Variants in BTBD8 observed in about 807,000 individuals in gnomAD.
BTBD8 encodes BTB domain containing 8, also known as BTB/POZ domain-containing protein 8.
A neutral mutation model predicts 162.9 loss-of-function variants in BTBD8; 110 were observed. The ratio of observed to expected loss-of-function variants is 0.68; its 90% CI spans 0.58 to 0.79. The LOEUF is 0.79. BTBD8 is among the 30% of genes least tolerant of loss of function. The pLI is 0.00. For synonymous variants in BTBD8, 667 were observed against 716.1 expected (o/e 0.93, Z 1.10); for missense variants, 1,905 against 2,085.4 (o/e 0.91, Z 1.68).
chr1:92,141,619 A>G (rs1349060458), intron 7 of BTBD8, among the ~76,000 whole-genome samples: 4 of 152,140 alleles, frequency 2.6e-5, no homozygotes, highest in Non-Finnish European at 5.9e-5. Context: ...TTGGGGTGGA[A>G]TGTAGTTCTC....
intron 4 of BTBD8, chr1:92,114,911 C>T (rs1208065439): frequency 3.2e-6 from 1 of 308,296 alleles, no homozygotes; most frequent in Non-Finnish European, 6.3e-6. Flanking sequence ...AGGGCAATGC[C>T]AGCCCCAGCA....
Position 92,181,845 on chromosome 1 carries a change from G to A in BTBD8, c.4162G>A (p.Glu1388Lys). ...VSSSADETED[E>K]RSEAENVAEN... ...TTCTTCAGCAGATGAAACAGAAGAT[G>A]AAAGATCTGAAGCTGAAAACGTTGC... The change falls in exon 17 of 18, where the codon GAA becomes AAA. Residue 1388 changes from glutamate to lysine, a missense_variant. Physicochemically the swap from Glu to Lys is moderately conservative, Grantham distance 56. Around this residue, in one of 3 missense-constraint regions of BTBD8, gnomAD observed 517 missense variants for 606.6 expected, o/e 0.85. Coordinates refer to ENST00000636805, the MANE Select transcript of BTBD8 (RefSeq NM_001376131.1). 1 of 1,551,054 alleles carries A rather than the reference G, an allele frequency of 6.4e-7. No individual in the cohort carries two copies. The highest frequency in any genetic ancestry group is 8.7e-7 in the Non-Finnish European group (1 of 1,146,892).
chr1:92,172,611 G>A (rs538389654), intron 13 of BTBD8, among the ~76,000 whole-genome samples: 1 of 152,232 alleles, frequency 6.6e-6, no homozygotes, highest in African/African-American at 2.4e-5. Context: ...TCTAACCTCT[G>A]TGTGGTACAA....
rs1557463123 is a variant in BTBD8, at chr1:92,168,921, AG to A, written c.1500del (p.Gln500HisfsTer14). Reference protein sequence around the residue: ...LRDKLWIFLVQSFYAVRHTES... With the variant: ...LRDKLWIFLVXSFYAVRHTES... ...GATAAGCTGTGGATCTTCCTGGTTC[AG>A]TCTTTCTATGCTGTTCGTCACACAG... On this transcript the variant is annotated frameshift_variant, in exon 12 of 18. Transcript: ENST00000636805. LOFTEE classifies it high-confidence loss of function. 6.5e-7 allele frequency: 1 copy of A among 1,544,816 alleles called. No individual in the cohort carries two copies. Among genetic ancestry groups the A allele is most frequent in the Admixed American group, 2.0e-5 (1 of 50,956 alleles).
rs1335135409 is a variant in BTBD8 at position 92,183,854 on chromosome 1, A to C, written c.4913-10A>C. 1 of 1,538,518 alleles carries C rather than the reference A, an allele frequency of 6.5e-7. No individual in the cohort carries two copies. Among genetic ancestry groups the C allele is most frequent in the East Asian group, 2.5e-5 (1 of 40,752 alleles). ...ATTTTTACATTGTGTAGTATTATGA[A>C]TTATTTCAGGAGACATAGATGATTG... On this transcript the variant is annotated splice_polypyrimidine_tract_variant and intron_variant, in intron 17 of 17. Transcript: ENST00000636805.
chr1:92,145,208 C>T (rs1649883486), intron 7 of BTBD8, among the ~76,000 whole-genome samples: 2 of 152,202 alleles, frequency 1.3e-5, no homozygotes, highest in Admixed American at 1.3e-4. Flanking sequence ...ATGTAATCCA[C>T]CTTGCCTCGA....
At chr1:92,140,223 A>G (rs182425576) in intron 6 of BTBD8, among the ~76,000 whole-genome samples, 58 of 151,338 alleles carry the variant, frequency 3.8e-4, no homozygotes, top group African/African-American at 1.4e-3. Flanking sequence ...GTAGATCGAG[A>G]TCTGCCTGGG....
chr1:92,184,034 A>G lies in BTBD8; in HGVS notation c.5083A>G (p.Lys1695Glu), dbSNP rs1164791852. ...MDFEDDQHFA[K>E]QDWTLLKQLL... The stretch of plus-strand genomic sequence containing the variant: ...TTTTGAAGATGACCAACATTTTGCA[A>G]AACAAGATTGGACACTACTAAAGCA... Residue 1695 changes from lysine to glutamate, a missense_variant, in exon 18 of 18, where the codon AAA becomes GAA. This residue lies in a region of BTBD8 where 517 missense variants were observed against 606.6 expected (regional missense o/e 0.85). Coordinates refer to ENST00000636805, the MANE Select transcript of BTBD8 (RefSeq NM_001376131.1). 6.4e-7 allele frequency: 1 copy of G among 1,551,660 alleles called. No individual in the cohort carries two copies. Among genetic ancestry groups the G allele is most frequent in the Non-Finnish European group, 8.7e-7 (1 of 1,146,900 alleles).
At chr1:92,171,353 A>T in intron 12 of BTBD8, 46 bp from the exon 13 acceptor site, 1 of 1,367,856 alleles carries the variant, frequency 7.3e-7, no homozygotes, top group South Asian at 1.3e-5. Flanking sequence ...CTTCTAAGGT[A>T]ATAATAATGT....
At chr1:92,088,648 CG>C (rs776495478) in intron 1 of BTBD8, 49 bp from the exon 2 acceptor site, 19 of 1,380,884 alleles carry the variant, frequency 1.4e-5, no homozygotes, top group Admixed American at 7.4e-5. Context: ...AATATGTATA[CG>C]TTTTTTAGTA....
intron 1 of BTBD8, among the ~76,000 whole-genome samples, chr1:92,086,655 C>T (rs1369082569): frequency 1.3e-5 from 2 of 151,884 alleles, no homozygotes; most frequent in East Asian, 1.9e-4. Flanking sequence ...AATTTGATTG[C>T]CATTGTAGCA....
intron 7 of BTBD8, among the ~76,000 whole-genome samples, chr1:92,146,314 T>G (rs1649918170): frequency 6.6e-6 from 1 of 152,172 alleles, no homozygotes; most frequent in African/African-American, 2.4e-5. Flanking sequence ...TTAGAGCATT[T>G]TTAGTTTCAC....
At chr1:92,088,993 T>C in intron 2 of BTBD8, 98 bp downstream of exon 2, 1 of 1,157,264 alleles carries the variant, frequency 8.6e-7, no homozygotes, top group Non-Finnish European at 1.2e-6. Flanking sequence ...TTTTGTAACC[T>C]GATAAGAAAA....
At chr1:92,136,276 G>A (rs1384074367) in intron 5 of BTBD8, among the ~76,000 whole-genome samples, 1 of 151,676 alleles carries the variant, frequency 6.6e-6, no homozygotes, top group Non-Finnish European at 1.5e-5. Flanking sequence ...TAAGGCCATA[G>A]AATCAAAGCA....
Position 92,110,268 on chromosome 1 carries a change from CA to C in BTBD8, c.662+2269del, listed in dbSNP as rs1192849849. Among the ~76,000 whole-genome samples the C allele has an allele frequency of 5.3e-5, 8 of 152,262 alleles. No homozygotes were observed. The East Asian group carries it at 1.5e-3, about 29-fold the overall frequency. ...GTTAAGAGTGTGTGGACTGTGGGGACAATCTGCATGCGTTTTAATTCCATGT... is the reference window on the plus strand; with the variant it reads ...GTTAAGAGTGTGTGGACTGTGGGGACATCTGCATGCGTTTTAATTCCATGT... On this transcript the variant is annotated intron_variant, in intron 4 of 17. Coordinates refer to ENST00000636805, the MANE Select transcript of BTBD8 (RefSeq NM_001376131.1).
Position 92,166,971 on chromosome 1 carries a change from C to T in BTBD8, c.1136C>T (p.Ala379Val), listed in dbSNP as rs943320256. Residue 379 changes from alanine to valine, a missense_variant, in exon 10 of 18, where the codon GCT becomes GTT. Physicochemically the swap from Ala to Val is moderately conservative, Grantham distance 64. Coordinates refer to ENST00000636805, the MANE Select transcript of BTBD8 (RefSeq NM_001376131.1). ...TTTAAATCTAAGAATGATAAGAATGCTGCTTTTCTTCTGATGGAAAGTGAC... is the reference window on the plus strand; with the variant it reads ...TTTAAATCTAAGAATGATAAGAATGTTGCTTTTCTTCTGATGGAAAGTGAC... ...MLIQSLNDKN[A>V]AFLLMESDRL... 1 of 1,543,820 alleles carries T rather than the reference C, an allele frequency of 6.5e-7. No homozygotes were observed. The highest frequency in any genetic ancestry group is 1.4e-5 in the African/African-American group (1 of 72,652).
chr1:92,114,387 A>G (rs1382154428), intron 4 of BTBD8, among the ~76,000 whole-genome samples: 2 of 152,080 alleles, frequency 1.3e-5, no homozygotes, highest in Non-Finnish European at 2.9e-5. Flanking sequence ...ATCCAATTCT[A>G]TATTGAAGTT....
chr1:92,160,449 T>C (rs1383918431), intron 9 of BTBD8, among the ~76,000 whole-genome samples: 1 of 152,130 alleles, frequency 6.6e-6, no homozygotes, highest in African/African-American at 2.4e-5. Flanking sequence ...TGCCTACAGC[T>C]ACCTCTTCCA....
At chr1:92,143,049 G>A (rs958476205) in intron 7 of BTBD8, among the ~76,000 whole-genome samples, 1 of 152,158 alleles carries the variant, frequency 6.6e-6, no homozygotes, top group African/African-American at 2.4e-5. Flanking sequence ...TGAAAAGATA[G>A]GTGTTAAAAT....
Sources: allele counts gnomAD v4.1 joint callset (sites outside exome capture counted in the v4.1 genomes callset), GRCh38; gene constraint gnomAD v4.1.1; regional missense constraint gnomAD v4.1.1; transcripts MANE v1.5; gene names NCBI Gene and HGNC (gene_info 2026-07-23, HGNC 2026-07-21).